The following DPP6 variants were observed in gnomAD, a reference collection of about 807,000 sequenced individuals.
DPP6 encodes A-type potassium channel modulatory protein DPP6.
A neutral mutation model predicts 122.6 loss-of-function variants in DPP6; 69 were observed. That is an observed-to-expected ratio of 0.56 (90% confidence interval 0.46 to 0.69). DPP6 has a LOEUF of 0.69. Ranked by LOEUF, DPP6 falls within the 30% of genes least tolerant of loss-of-function variation. The pLI is 0.00. For missense variants in DPP6, 928 were observed against 1,116.9 expected, an observed-to-expected ratio of 0.83 and a Z score of 2.41; for synonymous variants, 418 against 433.1, an observed-to-expected ratio of 0.97 and a Z score of 0.43.
At chr7:153,841,293 TA>T in the DPP6 span, among the ~76,000 whole-genome samples, 1 of 152,342 alleles carries the variant, frequency 6.6e-6, no homozygotes, top group African/African-American at 2.4e-5. Context: ...CAGTTATCAC[TA>T]AATTATGTAA....
chr7:154,765,864 C>T (rs1213616833), intron 8 of DPP6, among the ~76,000 whole-genome samples: 2 of 152,162 alleles, frequency 1.3e-5, no homozygotes, highest in Non-Finnish European at 2.9e-5. Context: ...CAATTAATTT[C>T]GTTGATGAAA....
intron 7 of DPP6, among the ~76,000 whole-genome samples, chr7:154,680,620 G>T (rs1458055847): frequency 3.3e-5 from 5 of 150,564 alleles, no homozygotes; most frequent in African/African-American, 9.8e-5. Context: ...TAATTATTTG[G>T]ACTGGCCAGA....
chr7:154,513,327 C>A (rs1179558447), intron 3 of DPP6, among the ~76,000 whole-genome samples: 1 of 152,206 alleles, frequency 6.6e-6, no homozygotes, highest in Non-Finnish European at 1.5e-5. Context: ...TGTGGGTAGT[C>A]ACTCAAATGT....
At chr7:154,332,978 A>G (rs753469243) in intron 1 of DPP6, among the ~76,000 whole-genome samples, 1 of 152,080 alleles carries the variant, frequency 6.6e-6, no homozygotes, top group African/African-American at 2.4e-5. Flanking sequence ...GAGGCTCGCG[A>G]TGGGTCCGGG....
intron 1 of DPP6, among the ~76,000 whole-genome samples, chr7:153,987,331 G>T (rs1012526976): frequency 1.3e-5 from 2 of 152,200 alleles, no homozygotes; most frequent in Non-Finnish European, 2.9e-5. Flanking sequence ...ATTTGCTTAC[G>T]TTGAATCACT....
chr7:154,401,214 A>AAC lies in DPP6; in HGVS notation c.244-44999_244-44998insCA, dbSNP rs1554538893. Among the ~76,000 whole-genome samples the AAC allele has an allele frequency of 3.4e-4, 51 of 150,070 alleles. 1 individual carries two copies. Among genetic ancestry groups the AAC allele is most frequent in the East Asian group, 1.0e-3 (5 of 4,930 alleles). ...TCCATCTCAGAAAAAACAAAAACAA[A>AAC]AACAAAAAAAAAACAGGTATTACTG... On this transcript the variant is annotated intron_variant, in intron 1 of 25. Coordinates refer to ENST00000377770, the MANE Select transcript of DPP6 (RefSeq NM_130797.4).
chr7:154,477,538 A>AT (rs1460031197), intron 3 of DPP6, among the ~76,000 whole-genome samples: 3 of 151,810 alleles, frequency 2.0e-5, no homozygotes, highest in Non-Finnish European at 4.4e-5. Context: ...TGCCAAAAAA[A>AT]AAAAGTATAT....
intron 1 of DPP6, among the ~76,000 whole-genome samples, chr7:154,230,831 C>G (rs1420467802): frequency 6.6e-6 from 1 of 152,168 alleles, no homozygotes; most frequent in Non-Finnish European, 1.5e-5. Flanking sequence ...AACCTATAGA[C>G]TACTGTGTGA....
the DPP6 span, among the ~76,000 whole-genome samples, chr7:153,817,435 A>T: frequency 6.8e-6 from 1 of 146,206 alleles, no homozygotes; most frequent in Non-Finnish European, 1.5e-5. Flanking sequence ...TTTTGCAAAT[A>T]TATAAACAAA....
At chr7:154,068,142 G>A (rs574851675) in intron 1 of DPP6, among the ~76,000 whole-genome samples, 209 of 152,122 alleles carry the variant, frequency 1.4e-3, no homozygotes, top group Non-Finnish European at 2.6e-3. Flanking sequence ...CAGGGAAGGG[G>A]CAGCTGCAGC....
At chr7:154,157,222 A>G (rs1160291032) in intron 1 of DPP6, among the ~76,000 whole-genome samples, 5 of 152,272 alleles carry the variant, frequency 3.3e-5, no homozygotes, top group Non-Finnish European at 7.3e-5. Flanking sequence ...TTCAGAGCCA[A>G]GAGAAAAGAA....
chr7:154,284,777 C>T (rs1337030818), intron 1 of DPP6, among the ~76,000 whole-genome samples: 1 of 152,238 alleles, frequency 6.6e-6, no homozygotes, highest in Non-Finnish European at 1.5e-5. Flanking sequence ...ATTGCTTGAA[C>T]ACAGGAGGTG....
intron 1 of DPP6, among the ~76,000 whole-genome samples, chr7:153,956,203 G>T (rs368285507): frequency 6.6e-6 from 1 of 152,182 alleles, no homozygotes; most frequent in Non-Finnish European, 1.5e-5. Context: ...ATGTGGGCAG[G>T]TGGGGGCTGG....
intron 3 of DPP6, among the ~76,000 whole-genome samples, chr7:154,485,561 G>A (rs1823711947): frequency 1.3e-5 from 2 of 152,158 alleles, no homozygotes. Flanking sequence ...ATCCTTAAAT[G>A]CATCTTCCCC....
chr7:154,133,251 C>A (rs1421921279), intron 1 of DPP6, among the ~76,000 whole-genome samples: 2 of 152,142 alleles, frequency 1.3e-5, no homozygotes, highest in Non-Finnish European at 2.9e-5. Context: ...GGGATTCAAC[C>A]CAGCTGCTCC....
At chr7:154,296,234 G>A (rs899019263) in intron 1 of DPP6, among the ~76,000 whole-genome samples, 3 of 152,000 alleles carry the variant, frequency 2.0e-5, no homozygotes, top group Non-Finnish European at 2.9e-5. Context: ...GTGAGCCACC[G>A]CGCCCGGCTG....
intron 1 of DPP6, among the ~76,000 whole-genome samples, chr7:154,286,867 G>A (rs893524042): frequency 1.3e-5 from 2 of 151,354 alleles, no homozygotes; most frequent in African/African-American, 4.9e-5. Flanking sequence ...GTGCAGTGGA[G>A]CTATCTTGGC....
At chr7:154,593,078 A>T (rs981821328) in intron 5 of DPP6, among the ~76,000 whole-genome samples, 8 of 152,314 alleles carry the variant, frequency 5.3e-5, no homozygotes, top group Middle Eastern at 3.4e-3. Flanking sequence ...TCAGCTTCCC[A>T]GGCCCCACGT....
chr7:154,751,295 C>T (rs1048022972), intron 8 of DPP6, among the ~76,000 whole-genome samples: 1 of 151,876 alleles, frequency 6.6e-6, no homozygotes, highest in South Asian at 2.1e-4. Flanking sequence ...GAAAACAGGC[C>T]GATATCTATC....
Sources: allele counts gnomAD v4.1 joint callset (sites outside exome capture counted in the v4.1 genomes callset), GRCh38; gene constraint gnomAD v4.1.1; transcripts MANE v1.5; gene names NCBI Gene and HGNC (gene_info 2026-07-23, HGNC 2026-07-21).